Variants in BTF3L4 observed in about 807,000 individuals in gnomAD.
BTF3L4 encodes the protein transcription factor BTF3 homolog 4.
Under a neutral mutation model 16.8 loss-of-function variants are expected in BTF3L4, and 6 were observed. The observed-to-expected ratio is 0.36, with a 90% CI of 0.20 to 0.71. The LOEUF (loss-of-function observed/expected upper bound fraction) is 0.71, where lower values mean the gene tolerates loss of function less well. Ranked by LOEUF, BTF3L4 falls within the 30% of genes least tolerant of loss-of-function variation. The pLI is 0.58. For synonymous variants in BTF3L4, 39 were observed against 59.8 expected, an observed-to-expected ratio of 0.65 and a Z score of 1.60; for missense variants, 92 against 186.9, an observed-to-expected ratio of 0.49 and a Z score of 2.96.
intron 3 of BTF3L4, among the ~76,000 whole-genome samples, chr1:52,080,960 C>T (rs1643914473): frequency 6.6e-6 from 1 of 151,326 alleles, no homozygotes; most frequent in African/African-American, 2.4e-5. Context: ...CTGTCTCAGC[C>T]TCCCAAGTAG....
At chr1:52,070,227 A>G (rs1366754119) in intron 3 of BTF3L4, among the ~76,000 whole-genome samples, 2 of 151,900 alleles carry the variant, frequency 1.3e-5, no homozygotes, top group Non-Finnish European at 2.9e-5. Flanking sequence ...AAAAAAAAAA[A>G]ACTAAAAGAC....
chr1:52,063,142 A>G (rs985786626), intron 2 of BTF3L4, among the ~76,000 whole-genome samples: 4 of 152,132 alleles, frequency 2.6e-5, no homozygotes, highest in African/African-American at 9.7e-5. Context: ...AATTGACACG[A>G]TTTAGTGACT....
intron 3 of BTF3L4, among the ~76,000 whole-genome samples, chr1:52,080,159 C>CTGTATTG (rs1431480335): frequency 3.3e-5 from 5 of 151,766 alleles, no homozygotes; most frequent in Non-Finnish European, 7.4e-5. Context: ...GGCATGAGCA[C>CTGTATTG]CCAGCTGAAT....
chr1:52,069,061 C>T (rs1328812272), intron 3 of BTF3L4, among the ~76,000 whole-genome samples: 1 of 152,056 alleles, frequency 6.6e-6, no homozygotes, highest in Non-Finnish European at 1.5e-5. Context: ...GAATTAATGC[C>T]ACATAATAGA....
chr1:52,080,782 C>T (rs1643912962), intron 3 of BTF3L4, among the ~76,000 whole-genome samples: 1 of 151,222 alleles, frequency 6.6e-6, no homozygotes, highest in Non-Finnish European at 1.5e-5. Flanking sequence ...AGTCCACCAG[C>T]CTCGGCCTCC....
chr1:52,078,302 C>T (rs11205923), intron 3 of BTF3L4, among the ~76,000 whole-genome samples: 123,086 of 149,592 alleles, frequency 0.82, 53,312 homozygotes, highest in Non-Finnish European at 0.95. Flanking sequence ...GATTTAAGCG[C>T]GCCTCCTGCC....
intron 3 of BTF3L4, among the ~76,000 whole-genome samples, chr1:52,076,135 T>C (rs1303815875): frequency 1.3e-5 from 2 of 152,076 alleles, no homozygotes; most frequent in Non-Finnish European, 2.9e-5. Context: ...TTTGTACTTT[T>C]AGTGGTGGCG....
intron 4 of BTF3L4, among the ~76,000 whole-genome samples, chr1:52,084,799 A>G (rs1329189264): frequency 6.6e-6 from 1 of 151,682 alleles, no homozygotes; most frequent in Non-Finnish European, 1.5e-5. Flanking sequence ...GTCTCTAAAA[A>G]AAAAAAAAGA....
Position 52,089,102 on chromosome 1 carries a change from A to G in BTF3L4, c.*2344A>G, listed in dbSNP as rs1034543692. On this transcript the variant is annotated 3_prime_UTR_variant, in exon 6 of 6. Coordinates refer to ENST00000313334, the MANE Select transcript of BTF3L4 (RefSeq NM_152265.5). ...AATCTAAAGTTTCTTCTGCTTCTGCATTTCTGTGAATCTCATTTGAAATTT... is the reference window on the plus strand; with the variant it reads ...AATCTAAAGTTTCTTCTGCTTCTGCGTTTCTGTGAATCTCATTTGAAATTT... 6.6e-6 allele frequency: 1 copy of G among 151,938 alleles called. No homozygotes were observed. Among genetic ancestry groups the G allele is most frequent in the Non-Finnish European group, 1.5e-5 (1 of 67,988 alleles). The allele number at this position is 151,938 out of a possible 1,614,324, so 9.4% of individuals were successfully genotyped here. A position where few individuals can be genotyped will look rare whatever the true frequency, so the allele number is the denominator to read the frequency against.
intron 1 of BTF3L4, among the ~76,000 whole-genome samples, chr1:52,056,949 A>T (rs768645685): frequency 2.0e-5 from 3 of 152,144 alleles, no homozygotes; most frequent in African/African-American, 7.2e-5. Context: ...GGCGGTTTCA[A>T]CTTCCGTTCC....
At position 52,088,472 on chromosome 1, in the gene BTF3L4, T is replaced by C. The variant is rs1643991372; in HGVS notation, c.*1714T>C. Reference sequence around the variant, plus strand: ...TATTCCTCTACCCTCCACCTGTAAATGAATGTTAGTGCAGTAATTGTTTGA... The same window carrying C: ...TATTCCTCTACCCTCCACCTGTAAACGAATGTTAGTGCAGTAATTGTTTGA... On this transcript the variant is annotated 3_prime_UTR_variant, in exon 6 of 6. Transcript: ENST00000313334. The C allele has an allele frequency of 6.6e-6, 1 of 152,654 alleles. No homozygotes were observed. Among genetic ancestry groups the C allele is most frequent in the Non-Finnish European group, 1.5e-5 (1 of 68,040 alleles). 9.5% of individuals were successfully genotyped at this position (152,654 alleles called of 1,614,324 possible). A position where few individuals can be genotyped will look rare whatever the true frequency, so the allele number is the denominator to read the frequency against.
rs111838633 is a variant in BTF3L4 at position 52,086,955 on chromosome 1, G to T, written c.*197G>T. ...GCACTTCCTCCCAGGATATTTTTTTGGTCAAAATATGAAGTATTGGTGCAG... is the reference window on the plus strand; with the variant it reads ...GCACTTCCTCCCAGGATATTTTTTTTGTCAAAATATGAAGTATTGGTGCAG... On this transcript the variant is annotated 3_prime_UTR_variant, in exon 6 of 6. Transcript: ENST00000313334. 2.2e-6 allele frequency: 1 copy of T among 452,424 alleles called. No homozygotes were observed. 28.0% of individuals were successfully genotyped at this position (452,424 alleles called of 1,614,324 possible).
chr1:52,084,397 G>A (rs1371495157), intron 4 of BTF3L4, among the ~76,000 whole-genome samples: 3 of 151,250 alleles, frequency 2.0e-5, no homozygotes, highest in Non-Finnish European at 2.9e-5. Context: ...CCTACCTACC[G>A]CCTCCCAATG....
At chr1:52,082,899 C>T (rs1558010666) in intron 3 of BTF3L4, among the ~76,000 whole-genome samples, 1 of 152,088 alleles carries the variant, frequency 6.6e-6, no homozygotes, top group Non-Finnish European at 1.5e-5. Flanking sequence ...GTTGTTTTTA[C>T]CATATACTAT....
chr1:52,060,350 C>A, intron 2 of BTF3L4: 1 of 614,692 alleles, frequency 1.6e-6, no homozygotes, highest in Non-Finnish European at 2.4e-6. Flanking sequence ...GTTACTTTGT[C>A]TTGACTGGAT....
chr1:52,076,012 A>G (rs182610325), intron 3 of BTF3L4, among the ~76,000 whole-genome samples: 29 of 152,312 alleles, frequency 1.9e-4, no homozygotes, highest in Non-Finnish European at 2.8e-4. Flanking sequence ...AGCCATGAAC[A>G]TTTTTAGAAC....
At chr1:52,074,307 C>T (rs1009588208) in intron 3 of BTF3L4, among the ~76,000 whole-genome samples, 3 of 151,862 alleles carry the variant, frequency 2.0e-5, no homozygotes, top group East Asian at 1.9e-4. Flanking sequence ...AAGCGATTCT[C>T]GTGCCTCAAA....
Position 52,088,662 on chromosome 1 carries a change from A to C in BTF3L4, c.*1904A>C, listed in dbSNP as rs892601366. On this transcript the variant is annotated 3_prime_UTR_variant, in exon 6 of 6. Coordinates refer to ENST00000313334, the MANE Select transcript of BTF3L4 (RefSeq NM_152265.5). ...ATAGGCAGTATAGCACATGAAAGAA[A>C]ACACACACTTGGAAGCCAGGAGACT... 1 of 152,242 alleles carries C rather than the reference A, an allele frequency of 6.6e-6. No homozygotes were observed. Among genetic ancestry groups the C allele is most frequent in the Admixed American group, 6.5e-5 (1 of 15,272 alleles). 9.4% of individuals were successfully genotyped at this position (152,242 alleles called of 1,614,324 possible).
rs1643980596 is a variant in BTF3L4 at position 52,087,177 on chromosome 1, C to T, written c.*419C>T. ...TACATTTGTTACTTTTCTTTTCCCC[C>T]CGTAAGACACAGAATTAATGGAAAG... On this transcript the variant is annotated 3_prime_UTR_variant, in exon 6 of 6. Transcript: ENST00000313334. The T allele has an allele frequency of 6.5e-6, 1 of 154,440 alleles. No homozygotes were observed. The highest frequency in any genetic ancestry group is 6.5e-5 in the Admixed American group (1 of 15,314). 9.6% of individuals were successfully genotyped at this position (154,440 alleles called of 1,614,324 possible).
Sources: allele counts gnomAD v4.1 joint callset (sites outside exome capture counted in the v4.1 genomes callset), GRCh38; gene constraint gnomAD v4.1.1; transcripts MANE v1.5; gene names NCBI Gene and HGNC (gene_info 2026-07-23, HGNC 2026-07-21).